Variants in TMPO observed in about 807,000 individuals in gnomAD.
TMPO encodes thymopoietin.
Under a neutral mutation model 45.4 loss-of-function variants are expected in TMPO, and 22 were observed. The ratio of observed to expected loss-of-function variants is 0.48; its 90% CI spans 0.35 to 0.69. The LOEUF (loss-of-function observed/expected upper bound fraction) is 0.69, where lower values mean the gene tolerates loss of function less well. TMPO is among the 30% of genes least tolerant of loss of function. TMPO has a pLI of 0.01. For missense variants in TMPO, 512 were observed against 548.8 expected (o/e 0.93, Z 0.67); for synonymous variants, 241 against 204.1 (o/e 1.18, Z -1.54).
chr12:98,540,264 CTGTGATAGAAATTTT>C (rs1175371775), intron 4 of TMPO, among the ~76,000 whole-genome samples: 9 of 152,336 alleles, frequency 5.9e-5, no homozygotes, highest in African/African-American at 2.2e-4. Context: ...GTAGACCTTT[CTGTGATAGAAATTTT>C]TCATACCTGT....
At chr12:98,547,534 C>T (rs1391358135) in intron 8 of TMPO, 39 bp from the exon 9 acceptor site, 1 of 1,612,788 alleles carries the variant, frequency 6.2e-7, no homozygotes, top group Admixed American at 1.7e-5. Context: ...ATGCCTTTAT[C>T]TAAAATTATT....
Position 98,544,236 on chromosome 12 carries a change from T to G in TMPO, c.670T>G (p.Ser224Ala). 1 of 1,613,864 alleles carries G rather than the reference T, an allele frequency of 6.2e-7. No individual in the cohort carries two copies. Among genetic ancestry groups the G allele is most frequent in the Non-Finnish European group, 8.5e-7 (1 of 1,179,838 alleles). Residue 224 changes from serine (S) to alanine (A), a missense_variant, in exon 5 of 9, where the codon TCT (serine) becomes GCT (alanine). Ser to Ala is a moderately conservative substitution (Grantham distance 99). Transcript: ENST00000556029. ...QRRVEHNQSY[S>A]QAGITETEWT... ...TGTGTTGATGCTTGAATAGAGCTAT[T>G]CTCAAGCTGGAATAACTGAGACTGA...
At chr12:98,532,803 T>C in intron 3 of TMPO, 1 of 1,614,132 alleles carries the variant, frequency 6.2e-7, no homozygotes, top group Middle Eastern at 1.6e-4. Flanking sequence ...TTAAACTTCC[T>C]GCCTCTTTTG....
At chr12:98,529,643 C>T (rs1877046168) in intron 2 of TMPO, among the ~76,000 whole-genome samples, 1 of 152,008 alleles carries the variant, frequency 6.6e-6, no homozygotes, top group Admixed American at 6.6e-5. Context: ...TGGCTTACTG[C>T]AGCCTCAGCT....
chr12:98,534,047 T>C, intron 3 of TMPO: 1 of 1,608,668 alleles, frequency 6.2e-7, no homozygotes, highest in Non-Finnish European at 8.5e-7. Context: ...CAGGCAGACA[T>C]TAGTCAAGCT....
chr12:98,545,129 G>GTTTGT, intron 7 of TMPO, 68 bp downstream of exon 7: 2 of 649,278 alleles, frequency 3.1e-6, no homozygotes, highest in South Asian at 2.0e-5. Context: ...ATATTTGTTT[G>GTTTGT]TTTTTTTTTT....
At chr12:98,536,571 CTTAAGCTG>C (rs1877580543) in intron 3 of TMPO, among the ~76,000 whole-genome samples, 1 of 152,078 alleles carries the variant, frequency 6.6e-6, no homozygotes, top group African/African-American at 2.4e-5. Context: ...CCAGGATGGT[CTTAAGCTG>C]ACCTCAGGTG....
chr12:98,539,083 C>A (rs1425592984), intron 4 of TMPO, among the ~76,000 whole-genome samples: 1 of 152,062 alleles, frequency 6.6e-6, no homozygotes, highest in Non-Finnish European at 1.5e-5. Context: ...GCCTGTAATC[C>A]TAGCTACTCC....
chr12:98,531,802 A>G lies in TMPO; in HGVS notation c.529A>G (p.Ser177Gly), dbSNP rs765922156. 5 of 1,613,758 alleles carry G rather than the reference A, an allele frequency of 3.1e-6. No individual in the cohort carries two copies. The African/African-American group carries it at 5.3e-5, about 17-fold the overall frequency. ...AGCAGAAAATACAAGGCAGAATGGA[A>G]GTAATGATTCTGACAGATACAGTGA... ...SSAENTRQNG[S>G]NDSDRYSDNE... is the part of the protein sequence containing the mutation. Residue 177 changes from serine to glycine, a missense_variant, in exon 3 of 9, where the codon AGT becomes GGT. Physicochemically the swap from Ser to Gly is moderately conservative, Grantham distance 56. Around this residue, in one of 3 missense-constraint regions of TMPO, gnomAD observed 299 missense variants for 296.7 expected, o/e 1.01. Coordinates refer to ENST00000556029, the MANE Select transcript of TMPO (RefSeq NM_001032283.3).
intron 3 of TMPO, among the ~76,000 whole-genome samples, chr12:98,536,017 A>G (rs1368190286): frequency 6.6e-6 from 1 of 152,216 alleles, no homozygotes; most frequent in East Asian, 1.9e-4. Flanking sequence ...TGACAGATCC[A>G]TTGATAGAAG....
In TMPO at chr12:98,527,893, C is replaced by CA. The variant is rs770800449; in HGVS notation, c.295dup (p.Thr99AsnfsTer2). ...ACTGGACTTTGTTTACAGAAAGCCA[C>CA]AAAAAAAACTGATAAACCCAGACAA... On this transcript the variant is annotated frameshift_variant, in exon 2 of 9. Transcript: ENST00000556029. LOFTEE classifies it high-confidence loss of function. 5 of 1,612,232 alleles carry CA rather than the reference C, an allele frequency of 3.1e-6. No homozygotes were observed. Among genetic ancestry groups the CA allele is most frequent in the Non-Finnish European group, 3.4e-6 (4 of 1,179,080 alleles).
In TMPO at chr12:98,516,110, C is replaced by A; in HGVS notation, c.243C>A (p.Ala81=). 2 of 1,526,224 alleles carry A rather than the reference C, an allele frequency of 1.3e-6. No individual in the cohort carries two copies. Among genetic ancestry groups the A allele is most frequent in the South Asian group, 2.4e-5 (2 of 81,752 alleles). The allele number at this position is 1,526,224 out of a possible 1,614,324, so 94.5% of individuals were successfully genotyped here. Residue 81 remains alanine, a synonymous_variant, in exon 1 of 9, where the codon GCC becomes GCA. Transcript: ENST00000556029. ...REPTPVLGSG[A]AAAGRSRAAV... is the part of the protein sequence containing the mutation. Reference sequence around the variant, plus strand: ...CCACCCCGGTCCTCGGCTCTGGGGCCGCCGCCGCGGGCCGGAGCCGAGCAG... The same window carrying A: ...CCACCCCGGTCCTCGGCTCTGGGGCAGCCGCCGCGGGCCGGAGCCGAGCAG...
rs2121091377 is a variant in TMPO, at chr12:98,515,751, C to T, written c.-117C>T. 6.5e-7 allele frequency: 1 copy of T among 1,540,004 alleles called. No individual in the cohort carries two copies. The highest frequency in any genetic ancestry group is 1.2e-5 in the South Asian group (1 of 82,734). On this transcript the variant is annotated 5_prime_UTR_variant, in exon 1 of 9. Coordinates refer to ENST00000556029, the MANE Select transcript of TMPO (RefSeq NM_001032283.3). ...TTTTGTTCCGCTCCGCAGCGCTCTT[C>T]CCGGGCAGGAGCCGTGAGGCTCGGA...
At chr12:98,524,652 GGCAT>G (rs1055731440) in intron 1 of TMPO, among the ~76,000 whole-genome samples, 1 of 152,100 alleles carries the variant, frequency 6.6e-6, no homozygotes, top group Non-Finnish European at 1.5e-5. Context: ...GGAGGGCAGT[GGCAT>G]GATGTCGACT....
chr12:98,534,553 A>G (rs1383331148), intron 3 of TMPO: 1 of 1,354,274 alleles, frequency 7.4e-7, no homozygotes, highest in South Asian at 1.6e-5. Context: ...GGTACAAACA[A>G]TTTAACGCTT....
intron 1 of TMPO, among the ~76,000 whole-genome samples, chr12:98,524,782 CG>C (rs1217577195): frequency 6.6e-6 from 1 of 151,876 alleles, no homozygotes; most frequent in East Asian, 2.0e-4. Context: ...TTAAAAGAGA[CG>C]GGGTTTCACC....
intron 1 of TMPO, among the ~76,000 whole-genome samples, chr12:98,518,634 A>G (rs546211652): frequency 4.0e-5 from 6 of 151,842 alleles, no homozygotes; most frequent in Non-Finnish European, 5.9e-5. Context: ...ATGTTTTCCT[A>G]TCAGCCACTT....
chr12:98,532,937 TCTC>T, intron 3 of TMPO: 1 of 1,614,134 alleles, frequency 6.2e-7, no homozygotes, highest in Non-Finnish European at 8.5e-7. Flanking sequence ...TTTCCTGAAA[TCTC>T]CACCCGTCCT....
At chr12:98,523,165 G>C (rs1876500347) in intron 1 of TMPO, among the ~76,000 whole-genome samples, 1 of 152,190 alleles carries the variant, frequency 6.6e-6, no homozygotes, top group Non-Finnish European at 1.5e-5. Flanking sequence ...TGCTAATCAT[G>C]TACAGCACAC....
Sources: allele counts gnomAD v4.1 joint callset (sites outside exome capture counted in the v4.1 genomes callset), GRCh38; gene constraint gnomAD v4.1.1; regional missense constraint gnomAD v4.1.1; transcripts MANE v1.5; gene names NCBI Gene and HGNC (gene_info 2026-07-23, HGNC 2026-07-21).